CNTNAP2: variants seen among roughly 807,000 people sequenced by gnomAD.
The protein encoded by CNTNAP2 is contactin associated protein 2, also known as contactin-associated protein-like 2.
In CNTNAP2, 98 loss-of-function variants were observed where a neutral mutation model predicts 155.2. The ratio of observed to expected loss-of-function variants is 0.63; its 90% confidence interval spans 0.54 to 0.75. The LOEUF is 0.75. Ranked by LOEUF, CNTNAP2 falls within the 30% of genes least tolerant of loss-of-function variation. CNTNAP2 has a pLI of 0.00. For synonymous variants in CNTNAP2, 651 were observed against 631.2 expected, an observed-to-expected ratio of 1.03 and a Z score of -0.47; for missense variants, 1,727 against 1,688.1, an observed-to-expected ratio of 1.02 and a Z score of -0.40.
At chr7:146,999,172 A>G (rs1259543716) in intron 3 of CNTNAP2, among the ~76,000 whole-genome samples, 2 of 150,708 alleles carry the variant, frequency 1.3e-5, no homozygotes, top group African/African-American at 2.4e-5. Flanking sequence ...TAATGTTACC[A>G]TGAGGCTTAT....
intron 13 of CNTNAP2, among the ~76,000 whole-genome samples, chr7:147,878,964 C>G (rs148380798): frequency 5.4e-4 from 82 of 152,250 alleles, no homozygotes; most frequent in African/African-American, 1.8e-3. Context: ...TTGGTACTGA[C>G]TCTGTTACGG....
intron 21 of CNTNAP2, among the ~76,000 whole-genome samples, chr7:148,330,358 G>C (rs1797967535): frequency 6.6e-6 from 1 of 151,456 alleles, no homozygotes; most frequent in African/African-American, 2.4e-5. Flanking sequence ...GGAGTGGACA[G>C]ATGGAATGGA....
intron 1 of CNTNAP2, among the ~76,000 whole-genome samples, chr7:146,415,638 A>G (rs905891424): frequency 2.0e-5 from 2 of 99,750 alleles, no homozygotes; most frequent in African/African-American, 2.1e-4. Flanking sequence ...TGTAATTAAG[A>G]CACTCCACTT....
intron 8 of CNTNAP2, among the ~76,000 whole-genome samples, chr7:147,247,585 C>G (rs1804094875): frequency 6.6e-6 from 1 of 152,098 alleles, no homozygotes; most frequent in Non-Finnish European, 1.5e-5. Context: ...ATAGGTTATA[C>G]ATTTATGAAT....
chr7:146,828,150 G>C (rs1803442682), intron 2 of CNTNAP2, among the ~76,000 whole-genome samples: 1 of 151,990 alleles, frequency 6.6e-6, no homozygotes, highest in Non-Finnish European at 1.5e-5. Flanking sequence ...AATATTTGCT[G>C]AATGAATGAA....
chr7:147,369,840 C>T (rs1036106661), intron 9 of CNTNAP2, among the ~76,000 whole-genome samples: 6 of 152,160 alleles, frequency 3.9e-5, no homozygotes, highest in African/African-American at 1.4e-4. Flanking sequence ...TCTACAATCT[C>T]GCCTTTGTAT....
intron 2 of CNTNAP2, among the ~76,000 whole-genome samples, chr7:146,792,126 A>G (rs909261619): frequency 3.9e-5 from 6 of 152,174 alleles, no homozygotes; most frequent in African/African-American, 1.4e-4. Context: ...AGTGATTCAT[A>G]TTTCAGGCAC....
At chr7:146,568,306 A>G (rs1042920461) in intron 1 of CNTNAP2, among the ~76,000 whole-genome samples, 2 of 152,220 alleles carry the variant, frequency 1.3e-5, no homozygotes, top group African/African-American at 4.8e-5. Flanking sequence ...TGGATAAGGC[A>G]GTATCTCTGG....
Position 146,217,974 on chromosome 7 carries a change from C to T in CNTNAP2, c.97+101001C>T, listed in dbSNP as rs113921646. ...ATACAGGTTTACCTATGTAACACAC[C>T]TGCACGTATATCCCTGAACTTAAAA... On this transcript the variant is annotated intron_variant, in intron 1 of 23. Coordinates refer to ENST00000361727, the MANE Select transcript of CNTNAP2 (RefSeq NM_014141.6). 3.4e-3 allele frequency among the ~76,000 whole-genome samples: 516 copies of T among 152,216 alleles called. 5 individuals carry two copies. Among genetic ancestry groups the T allele is most frequent in the Non-Finnish European group, 5.9e-3 (403 of 68,018 alleles).
intron 20 of CNTNAP2, among the ~76,000 whole-genome samples, chr7:148,244,161 A>C (rs1374559813): frequency 6.6e-6 from 1 of 152,208 alleles, no homozygotes; most frequent in Non-Finnish European, 1.5e-5. Flanking sequence ...ATAGTGACTT[A>C]GGTAGGAGAG....
intron 1 of CNTNAP2, among the ~76,000 whole-genome samples, chr7:146,488,250 C>A (rs1350231806): frequency 1.4e-5 from 2 of 145,084 alleles, no homozygotes; most frequent in Non-Finnish European, 3.0e-5. Flanking sequence ...TCTTTCCTCC[C>A]TTCCTCCCCT....
chr7:146,851,700 G>T (rs1017067298), intron 3 of CNTNAP2, among the ~76,000 whole-genome samples: 8 of 129,760 alleles, frequency 6.2e-5, no homozygotes, highest in Middle Eastern at 8.8e-3. Flanking sequence ...GTGTGTGTGT[G>T]TTTTGATGGT....
intron 4 of CNTNAP2, among the ~76,000 whole-genome samples, chr7:147,107,852 T>C (rs1010390973): frequency 6.6e-6 from 1 of 152,142 alleles, no homozygotes; most frequent in Non-Finnish European, 1.5e-5. Flanking sequence ...AACTCTAGAT[T>C]TCTAAGTTAA....
rs150517182 is a variant in CNTNAP2 at position 146,589,820 on chromosome 7, G to A, written c.98-184451G>A. Among the ~76,000 whole-genome samples, 658 of 152,114 alleles carry A rather than the reference G, an allele frequency of 4.3e-3. 6 individuals are homozygous for A. Among genetic ancestry groups the A allele is most frequent in the African/African-American group, 0.015 (629 of 41,506 alleles). ...GTGTTATTCAAGTGAGATTAAAAAT[G>A]TGTGTTCCTGGTTTGCAGAAGGCAC... On this transcript the variant is annotated intron_variant, in intron 1 of 23. Coordinates refer to ENST00000361727, the MANE Select transcript of CNTNAP2 (RefSeq NM_014141.6).
At chr7:147,021,090 G>A (rs1346075486) in intron 3 of CNTNAP2, among the ~76,000 whole-genome samples, 1 of 152,136 alleles carries the variant, frequency 6.6e-6, no homozygotes, top group African/African-American at 2.4e-5. Context: ...AAAAGTCCCA[G>A]AACGAGCTTG....
chr7:146,518,663 G>A (rs937549776), intron 1 of CNTNAP2, among the ~76,000 whole-genome samples: 6 of 151,868 alleles, frequency 4.0e-5, no homozygotes, highest in African/African-American at 1.4e-4. Flanking sequence ...ATGAGTAGGA[G>A]CATAAACAGA....
intron 12 of CNTNAP2, among the ~76,000 whole-genome samples, chr7:147,624,508 G>C (rs1300854795): frequency 6.6e-6 from 1 of 152,076 alleles, no homozygotes; most frequent in East Asian, 1.9e-4. Flanking sequence ...ATGTGAAAAA[G>C]TGCTAGACAT....
intron 8 of CNTNAP2, among the ~76,000 whole-genome samples, chr7:147,201,443 A>G (rs1180047175): frequency 6.6e-6 from 1 of 152,132 alleles, no homozygotes; most frequent in Non-Finnish European, 1.5e-5. Flanking sequence ...TTTAACTCTC[A>G]TGCTCAGTTT....
At chr7:147,974,612 C>T (rs1369496191) in intron 14 of CNTNAP2, among the ~76,000 whole-genome samples, 1 of 151,964 alleles carries the variant, frequency 6.6e-6, no homozygotes, top group Non-Finnish European at 1.5e-5. Context: ...GCAACAAGAG[C>T]AAAACTCCAT....
Sources: gnomAD v4.1 joint callset for allele counts (sites outside exome capture counted in the v4.1 genomes callset) on GRCh38, gnomAD v4.1.1 for gene constraint, MANE v1.5 for transcripts, NCBI Gene and HGNC (gene_info 2026-07-23, HGNC 2026-07-21) for gene names.